NIPA1: variants seen among roughly 807,000 people sequenced by gnomAD.
The protein encoded by NIPA1 is NIPA magnesium transporter 1, also known as magnesium transporter NIPA1.
Under a neutral mutation model 23.9 loss-of-function variants are expected in NIPA1, and 13 were observed. The ratio of observed to expected loss-of-function variants is 0.54; its 90% CI spans 0.35 to 0.87. The LOEUF (loss-of-function observed/expected upper bound fraction) is 0.87. Among genes scored for constraint, NIPA1 ranks in the 40% least tolerant of loss-of-function variants. The pLI is 0.01. For missense variants in NIPA1, 362 were observed against 429.7 expected (o/e 0.84, Z 1.39); for synonymous variants, 234 against 202.9 (o/e 1.15, Z -1.30).
rs1895657823 is a variant in NIPA1 at position 22,826,564 on chromosome 15, C to T, written c.*2325C>T. The T allele has an allele frequency of 6.6e-6, 1 of 152,072 alleles. No homozygotes were observed. Among genetic ancestry groups the T allele is most frequent in the South Asian group, 2.1e-4 (1 of 4,820 alleles). The allele number at this position is 152,072 out of a possible 1,614,324, so 9.4% of individuals were successfully genotyped here. A position where few individuals can be genotyped will look rare whatever the true frequency, so the allele number is the denominator to read the frequency against. Reference sequence around the variant, plus strand: ...CATGAAAATGATCATGTTTGTGTTGCTACAGCTTTTGTGGGAAATTTAGTT... The same window carrying T: ...CATGAAAATGATCATGTTTGTGTTGTTACAGCTTTTGTGGGAAATTTAGTT... On this transcript the variant is annotated 3_prime_UTR_variant, in exon 5 of 5. Transcript: ENST00000337435.
Position 22,824,175 on chromosome 15 carries a change from A to G in NIPA1, c.926A>G (p.Gln309Arg). 6.2e-7 allele frequency: 1 copy of G among 1,613,360 alleles called. No homozygotes were observed. The highest frequency in any genetic ancestry group is 8.5e-7 in the Non-Finnish European group (1 of 1,179,222). The change falls in exon 5 of 5, where the codon CAG becomes CGG. Residue 309 changes from glutamine (Q) to arginine (R), a missense_variant. This residue lies in a region of NIPA1 where 277 missense variants were observed against 372.0 expected (regional missense o/e 0.74). Coordinates refer to ENST00000337435, the MANE Select transcript of NIPA1 (RefSeq NM_144599.5). The surrounding 1 kb of genome is among the most constrained non-coding windows in gnomAD (Gnocchi z 4.1). ...TTVSVGIVLI[Q>R]VFKEFNFNLG... ...GTCTCCGTGGGGATTGTCCTTATAC[A>G]GGTGTTCAAAGAGTTCAATTTCAAC... is the stretch of plus-strand genomic sequence containing the variant.
chr15:22,824,204 G>A lies in NIPA1; in HGVS notation c.955G>A (p.Gly319Arg). 6.2e-7 allele frequency: 1 copy of A among 1,613,392 alleles called. No individual in the cohort carries two copies. Among genetic ancestry groups the A allele is most frequent in the Non-Finnish European group, 8.5e-7 (1 of 1,179,280 alleles). ...QVFKEFNFNL[G>R]EMNKSNMKTD The stretch of plus-strand genomic sequence containing the variant: ...GTTCAAAGAGTTCAATTTCAACCTT[G>A]GGGAGATGAACAAATCTAATATGAA... The change falls in exon 5 of 5, where the codon GGG (glycine) becomes AGG (arginine). Residue 319 changes from glycine (G) to arginine (R), a missense_variant. Physicochemically the swap from Gly to Arg is moderately radical, Grantham distance 125. Transcript: ENST00000337435. The surrounding 1 kb of genome is among the most constrained non-coding windows in gnomAD (Gnocchi z 4.1).
At chr15:22,798,853 A>C (rs1200181406) in intron 1 of NIPA1, among the ~76,000 whole-genome samples, 2 of 151,370 alleles carry the variant, frequency 1.3e-5, no homozygotes, top group Admixed American at 6.6e-5. Flanking sequence ...AAAAAAAAAA[A>C]AAAAAAAAAC....
chr15:22,799,377 T>A (rs1474695359), intron 1 of NIPA1, among the ~76,000 whole-genome samples: 1 of 152,046 alleles, frequency 6.6e-6, no homozygotes, highest in African/African-American at 2.4e-5. Context: ...GACATAAAGA[T>A]GAATATAATA....
At chr15:22,804,751 A>C (rs1895168049) in intron 1 of NIPA1, among the ~76,000 whole-genome samples, 1 of 152,136 alleles carries the variant, frequency 6.6e-6, no homozygotes, top group South Asian at 2.1e-4. Context: ...CTGGCTGTAC[A>C]TGTATGGACC....
At chr15:22,823,648 CG>C (rs1351454240) in intron 4 of NIPA1, 79 bp from the exon 5 acceptor site, 18 of 1,465,732 alleles carry the variant, frequency 1.2e-5, no homozygotes, top group Non-Finnish European at 3.7e-6. Context: ...GGTGGGGGCC[CG>C]GGTGCTGCCC....
intron 1 of NIPA1, among the ~76,000 whole-genome samples, chr15:22,808,443 C>A (rs1379238728): frequency 6.6e-6 from 1 of 152,160 alleles, no homozygotes; most frequent in Admixed American, 6.5e-5. Flanking sequence ...TAGGGCGTGG[C>A]TCAGGGCTGG....
upstream of NIPA1, chr15:22,786,593 C>A (rs1894703274): frequency 1.6e-6 from 1 of 638,322 alleles, no homozygotes; most frequent in Non-Finnish European, 2.0e-6. Flanking sequence ...CTCCCGGTCA[C>A]CCCCCATCCC....
At chr15:22,812,851 TAG>T (rs1566785004) in intron 3 of NIPA1, among the ~76,000 whole-genome samples, 2 of 152,158 alleles carry the variant, frequency 1.3e-5, no homozygotes, top group Non-Finnish European at 2.9e-5. Flanking sequence ...TCTTAGAGAC[TAG>T]AGAGTCTTCT....
At chr15:22,807,054 T>G (rs796553070) in intron 1 of NIPA1, among the ~76,000 whole-genome samples, 4 of 152,312 alleles carry the variant, frequency 2.6e-5, no homozygotes, top group African/African-American at 9.6e-5. Flanking sequence ...CCTATACACC[T>G]TTTGATTTGT....
chr15:22,814,450 G>A (rs556643479), intron 3 of NIPA1, among the ~76,000 whole-genome samples: 79 of 152,006 alleles, frequency 5.2e-4, no homozygotes, highest in African/African-American at 1.9e-3. Context: ...TGATCCGCCC[G>A]CCGTCCTCCC....
Position 22,810,793 on chromosome 15 carries a change from G to A in NIPA1, c.223G>A (p.Ala75Thr), listed in dbSNP as rs758889619. ...TDIVWWAGTI[A>T]MAVGQIGNFL... ...CATTGTGTGGTGGGCTGGCACAATC[G>A]CAAGTAAGTAGCCTGTGTGGCGAAG... Residue 75 changes from alanine (A) to threonine (T), a missense_variant, in exon 2 of 5, where the codon GCA becomes ACA. Coordinates refer to ENST00000337435, the MANE Select transcript of NIPA1 (RefSeq NM_144599.5). 6.2e-6 allele frequency: 10 copies of A among 1,605,950 alleles called. No individual in the cohort carries two copies. Among genetic ancestry groups the A allele is most frequent in the South Asian group, 2.2e-5 (2 of 90,920 alleles).
intron 3 of NIPA1, among the ~76,000 whole-genome samples, chr15:22,819,807 A>G (rs1895500685): frequency 6.6e-6 from 1 of 152,158 alleles, no homozygotes; most frequent in Non-Finnish European, 1.5e-5. Flanking sequence ...AAAACTTTTT[A>G]TACTCTGGTG....
intron 1 of NIPA1, among the ~76,000 whole-genome samples, chr15:22,788,358 C>T (rs1201012063): frequency 3.3e-5 from 5 of 151,756 alleles, no homozygotes; most frequent in Non-Finnish European, 1.5e-5. Context: ...AAAATTATCC[C>T]GGTGTGGTGG....
rs1451033874 is a variant in NIPA1, at chr15:22,829,413, ATTGCCCC to A, written c.*5175_*5181del. The A allele has an allele frequency of 2.6e-5, 4 of 152,564 alleles. No homozygotes were observed. Among genetic ancestry groups the A allele is most frequent in the African/African-American group, 4.8e-5 (2 of 41,452 alleles). The allele number at this position is 152,564 out of a possible 1,614,324, so 9.5% of individuals were successfully genotyped here. A position where few individuals can be genotyped will look rare whatever the true frequency, so the allele number is the denominator to read the frequency against. ...AATATTTATTTGTCAGAATATAATAATTGCCCCCCACCTTAGTATTTTTGCACTTTAC... is the reference window on the plus strand; with the variant it reads ...AATATTTATTTGTCAGAATATAATAACCACCTTAGTATTTTTGCACTTTAC... On this transcript the variant is annotated 3_prime_UTR_variant, in exon 5 of 5. Transcript: ENST00000337435.
intron 1 of NIPA1, among the ~76,000 whole-genome samples, chr15:22,802,338 G>A (rs543146807): frequency 6.8e-6 from 1 of 147,974 alleles, no homozygotes; most frequent in Non-Finnish European, 1.5e-5. Flanking sequence ...GTTGTGGTGA[G>A]CCGAGATCAC....
chr15:22,796,516 C>T (rs1305065360), intron 1 of NIPA1, among the ~76,000 whole-genome samples: 2 of 151,592 alleles, frequency 1.3e-5, no homozygotes, highest in East Asian at 3.9e-4. Context: ...GTTGATCAGG[C>T]TGGTCTCCCA....
intron 1 of NIPA1, among the ~76,000 whole-genome samples, chr15:22,809,912 A>C (rs1028566928): frequency 3.9e-5 from 6 of 152,024 alleles, no homozygotes; most frequent in Admixed American, 3.3e-4. Context: ...GCATGGTGGC[A>C]CATGCCTGTA....
Position 22,820,535 on chromosome 15 carries a change from C to T in NIPA1, c.478+62C>T, listed in dbSNP as rs148082488. On this transcript the variant is annotated intron_variant, in intron 4 of 4. Coordinates refer to ENST00000337435, the MANE Select transcript of NIPA1 (RefSeq NM_144599.5). The stretch of plus-strand genomic sequence containing the variant: ...CAGTAGGAGTGCCAACTTTTTTAAC[C>T]ACGTCTTCAAATTGGATGCTTCCTG... 8.9e-5 allele frequency: 112 copies of T among 1,254,136 alleles called. 1 individual carries two copies. The African/African-American group carries it at 1.3e-3, about 15-fold the overall frequency. The allele number at this position is 1,254,136 out of a possible 1,614,324, so 77.7% of individuals were successfully genotyped here.
Sources: gnomAD v4.1 joint callset for allele counts (sites outside exome capture counted in the v4.1 genomes callset) on GRCh38, gnomAD v4.1.1 for gene constraint, gnomAD v4.1.1 regional missense constraint, Gnocchi (gnomAD v3.1) non-coding constraint, MANE v1.5 for transcripts, NCBI Gene and HGNC (gene_info 2026-07-23, HGNC 2026-07-21) for gene names.